Variants in NDUFS4 observed in about 807,000 individuals in gnomAD.
NDUFS4 encodes the protein NADH dehydrogenase [ubiquinone] iron-sulfur protein 4, mitochondrial.
NDUFS4 carries 28 observed loss-of-function variants against 24.3 expected under a neutral mutation model. That is an observed-to-expected ratio of 1.15 (90% CI 0.85 to 1.58). The LOEUF is 1.58. Ranked by LOEUF, NDUFS4 falls within the 40% of genes most tolerant of loss-of-function variation. NDUFS4 has a pLI of 0.00. For missense variants in NDUFS4, 223 were observed against 207.9 expected, an observed-to-expected ratio of 1.07 and a Z score of -0.45; for synonymous variants, 93 against 69.7, an observed-to-expected ratio of 1.34 and a Z score of -1.67.
At chr5:53,608,586 C>G (rs1452822342) in intron 2 of NDUFS4, among the ~76,000 whole-genome samples, 1 of 150,980 alleles carries the variant, frequency 6.6e-6, no homozygotes, top group South Asian at 2.1e-4. Flanking sequence ...GGAGTAGATT[C>G]TGTCTCAAGA....
chr5:53,560,824 C>G, intron 1 of NDUFS4, 64 bp downstream of exon 1: 1 of 1,609,758 alleles, frequency 6.2e-7, no homozygotes, highest in South Asian at 1.1e-5. Context: ...GGAGTCTCTG[C>G]TGGCTGAGTT....
At chr5:53,640,819 A>C (rs1277347654) in intron 2 of NDUFS4, among the ~76,000 whole-genome samples, 1 of 152,112 alleles carries the variant, frequency 6.6e-6, no homozygotes, top group Non-Finnish European at 1.5e-5. Context: ...CTTTGTTGCT[A>C]TAGTGGTTAT....
chr5:53,645,933 CTT>C (rs1172149226), intron 2 of NDUFS4, among the ~76,000 whole-genome samples: 11 of 152,262 alleles, frequency 7.2e-5, no homozygotes, highest in Non-Finnish European at 1.6e-4. Context: ...ACTACAGGCT[CTT>C]CTGCGAGCAA....
At chr5:53,616,436 G>A (rs1750843283) in intron 2 of NDUFS4, among the ~76,000 whole-genome samples, 1 of 152,124 alleles carries the variant, frequency 6.6e-6, no homozygotes, top group African/African-American at 2.4e-5. Context: ...GGTCATTTAA[G>A]TAGGGCAGTC....
At chr5:53,603,041 T>A (rs1750374672) in intron 1 of NDUFS4, among the ~76,000 whole-genome samples, 1 of 152,212 alleles carries the variant, frequency 6.6e-6, no homozygotes. Context: ...AACTTTTTAT[T>A]ATGATTGGGA....
At chr5:53,619,498 A>AAC (rs1265170666) in intron 2 of NDUFS4, among the ~76,000 whole-genome samples, 9 of 150,458 alleles carry the variant, frequency 6.0e-5, no homozygotes, top group African/African-American at 1.7e-4. Flanking sequence ...AAAAAAAAAA[A>AAC]AAAAAAAAAA....
chr5:53,623,288 C>A (rs1751109823), intron 2 of NDUFS4, among the ~76,000 whole-genome samples: 1 of 151,698 alleles, frequency 6.6e-6, no homozygotes, highest in African/African-American at 2.4e-5. Flanking sequence ...TGTTATTTTC[C>A]ATTTTCATTA....
intron 4 of NDUFS4, among the ~76,000 whole-genome samples, chr5:53,677,131 G>A (rs992366820): frequency 1.3e-5 from 2 of 152,098 alleles, no homozygotes; most frequent in Non-Finnish European, 2.9e-5. Context: ...ACAAAAGCTG[G>A]AGTAATGGAT....
intron 3 of NDUFS4, among the ~76,000 whole-genome samples, chr5:53,650,070 C>T (rs569144924): frequency 2.4e-3 from 368 of 152,142 alleles, no homozygotes; most frequent in African/African-American, 8.5e-3. Flanking sequence ...AAATTTGTCC[C>T]GATCCAGTGA....
intron 2 of NDUFS4, among the ~76,000 whole-genome samples, chr5:53,628,241 G>A (rs1302613105): frequency 6.6e-6 from 1 of 152,160 alleles, no homozygotes; most frequent in African/African-American, 2.4e-5. Flanking sequence ...CGACTTGATT[G>A]TGGTGGATAA....
intron 1 of NDUFS4, among the ~76,000 whole-genome samples, chr5:53,584,757 T>C (rs1749686860): frequency 1.4e-5 from 2 of 142,126 alleles, no homozygotes; most frequent in South Asian, 4.7e-4. Context: ...CCAGCATAAC[T>C]AAAAATGTTT....
At chr5:53,634,056 G>A (rs992276565) in intron 2 of NDUFS4, among the ~76,000 whole-genome samples, 2 of 152,172 alleles carry the variant, frequency 1.3e-5, no homozygotes, top group Non-Finnish European at 2.9e-5. Flanking sequence ...TAAGGTTTGT[G>A]TATATTGCTT....
intron 2 of NDUFS4, among the ~76,000 whole-genome samples, chr5:53,618,298 A>G (rs780216878): frequency 1.2e-4 from 19 of 152,076 alleles, no homozygotes; most frequent in Non-Finnish European, 2.9e-5. Context: ...TAAATAACGC[A>G]TTATGTTCAT....
chr5:53,667,880 A>G (rs1039045112), intron 4 of NDUFS4, among the ~76,000 whole-genome samples: 1 of 152,200 alleles, frequency 6.6e-6, no homozygotes, highest in African/African-American at 2.4e-5. Flanking sequence ...GTGATGTCCA[A>G]AAACTATAGA....
intron 4 of NDUFS4, among the ~76,000 whole-genome samples, chr5:53,682,112 T>G (rs571112386): frequency 1.3e-5 from 2 of 152,216 alleles, no homozygotes; most frequent in East Asian, 3.9e-4. Context: ...ATTACAGGTG[T>G]GGGAAAATGG....
chr5:53,666,633 C>T (rs1033613650), intron 4 of NDUFS4, among the ~76,000 whole-genome samples: 1 of 149,956 alleles, frequency 6.7e-6, no homozygotes, highest in Non-Finnish European at 1.5e-5. Context: ...GAATAAATGA[C>T]TTTCTAAAAT....
intron 2 of NDUFS4, among the ~76,000 whole-genome samples, chr5:53,623,749 T>TC (rs70983367): frequency 0.78 from 119,149 of 151,950 alleles, 46,850 homozygotes; most frequent in African/African-American, 0.83. Flanking sequence ...AGACGGAATC[T>TC]CCTCTGTCAC....
At chr5:53,600,799 G>C (rs1579857242) in intron 1 of NDUFS4, among the ~76,000 whole-genome samples, 1 of 151,838 alleles carries the variant, frequency 6.6e-6, no homozygotes, top group East Asian at 1.9e-4. Context: ...TTTAATTTAG[G>C]CAAATTTTTC....
chr5:53,621,985 C>A (rs1276733756), intron 2 of NDUFS4, among the ~76,000 whole-genome samples: 2 of 152,018 alleles, frequency 1.3e-5, no homozygotes, highest in African/African-American at 2.4e-5. Context: ...CAGGCGTGAG[C>A]CACCGCGCCC....
Sources: gnomAD v4.1 joint callset for allele counts (sites outside exome capture counted in the v4.1 genomes callset) on GRCh38, gnomAD v4.1.1 for gene constraint, MANE v1.5 for transcripts, NCBI Gene and HGNC (gene_info 2026-07-23, HGNC 2026-07-21) for gene names.